The following PMM2 variants were observed in gnomAD, a reference collection of about 807,000 sequenced individuals.
The protein encoded by PMM2 is phosphomannomutase 2.
PMM2 carries 35 observed loss-of-function variants against 33.2 expected under a neutral mutation model. The observed-to-expected ratio is 1.06, with a 90% confidence interval of 0.81 to 1.40. The LOEUF (loss-of-function observed/expected upper bound fraction) is 1.40. Among genes scored for constraint, PMM2 ranks in the 40% most tolerant of loss-of-function variants. The probability of loss-of-function intolerance (pLI) is 0.00; values close to 1 mark genes in which losing one functional copy is unlikely to be tolerated. For synonymous variants in PMM2, 153 were observed against 114.7 expected, an observed-to-expected ratio of 1.33 and a Z score of -2.13; for missense variants, 386 against 306.0, an observed-to-expected ratio of 1.26 and a Z score of -1.95.
At chr16:8,835,879 G>A (rs1028649842) in intron 7 of PMM2, among the ~76,000 whole-genome samples, 2 of 151,836 alleles carry the variant, frequency 1.3e-5, no homozygotes, top group African/African-American at 2.4e-5. Flanking sequence ...AAGGTTGGGG[G>A]ATACAAGAGG....
intron 7 of PMM2, among the ~76,000 whole-genome samples, chr16:8,818,635 C>T (rs2060720793): frequency 6.6e-6 from 1 of 152,224 alleles, no homozygotes; most frequent in South Asian, 2.1e-4. Flanking sequence ...CCTCTTCCAG[C>T]AGCACAGCCT....
At chr16:8,824,111 A>G (rs1328489708) in intron 7 of PMM2, among the ~76,000 whole-genome samples, 1 of 152,254 alleles carries the variant, frequency 6.6e-6, no homozygotes, top group Non-Finnish European at 1.5e-5. Flanking sequence ...TGCTCACAGA[A>G]GTATACTTTA....
intron 7 of PMM2, among the ~76,000 whole-genome samples, chr16:8,827,929 TA>T (rs1416535075): frequency 1.6e-3 from 112 of 67,966 alleles, no homozygotes; most frequent in East Asian, 3.4e-3. Context: ...GTTTTATATA[TA>T]ATATATATTT....
At chr16:8,830,005 A>G (rs1383895481) in intron 7 of PMM2, among the ~76,000 whole-genome samples, 2 of 152,212 alleles carry the variant, frequency 1.3e-5, no homozygotes, top group Non-Finnish European at 2.9e-5. Context: ...TGATGGGGCT[A>G]CAGGCAGACA....
At chr16:8,804,080 C>T (rs1420528405) in intron 2 of PMM2, among the ~76,000 whole-genome samples, 6 of 126,984 alleles carry the variant, frequency 4.7e-5, no homozygotes, top group African/African-American at 9.4e-5. Flanking sequence ...GCACCGTTGC[C>T]GAGGCTGGAG....
rs776262869 is a variant in PMM2, at chr16:8,804,763, G to T, written c.179-4G>T. On this transcript the variant is annotated splice_polypyrimidine_tract_variant and splice_region_variant and intron_variant, in intron 2 of 7. Transcript: ENST00000268261. ...TCTAAGTGTTTTTTTGGTTTTGATT[G>T]TAGTGGTTGAAAAATACGATTATGT... The T allele has an allele frequency of 3.7e-6, 6 of 1,608,360 alleles. No individual in the cohort carries two copies. Among genetic ancestry groups the T allele is most frequent in the Middle Eastern group, 1.6e-4 (1 of 6,076 alleles).
chr16:8,833,803 T>G (rs536863868), intron 7 of PMM2, among the ~76,000 whole-genome samples: 26 of 152,242 alleles, frequency 1.7e-4, no homozygotes, highest in Admixed American at 1.2e-3. Context: ...GGAGGACCTA[T>G]GACATCTGAT....
intron 7 of PMM2, chr16:8,832,821 C>T (rs528557318): frequency 2.0e-6 from 2 of 985,460 alleles, no homozygotes; most frequent in East Asian, 1.1e-4. Context: ...CCCATCCTCC[C>T]TCTTCAGCGT....
rs750708103 is a variant in PMM2, at chr16:8,847,730, A to G, written c.646A>G (p.Asn216Asp). 6 of 1,612,344 alleles carry G rather than the reference A, an allele frequency of 3.7e-6. No individual in the cohort carries two copies. The highest frequency in any genetic ancestry group is 8.5e-7 in the Non-Finnish European group (1 of 1,178,650). The change falls in exon 8 of 8, where the codon AAT becomes GAT. Residue 216 changes from asparagine to aspartate, a missense_variant. Coordinates refer to ENST00000268261, the MANE Select transcript of PMM2 (RefSeq NM_000303.3). The part of the protein sequence containing the change: ...FFGDKTMPGG[N>D]DHEIFTDPRT... ...GTACTTCGTGTCTTTCCAGGGTGGCAATGACCATGAGATCTTCACAGACCC... is the reference window on the plus strand; with the variant it reads ...GTACTTCGTGTCTTTCCAGGGTGGCGATGACCATGAGATCTTCACAGACCC...
At chr16:8,806,544 C>T in intron 4 of PMM2, 137 bp downstream of exon 4, 1 of 699,954 alleles carries the variant, frequency 1.4e-6, no homozygotes, top group Non-Finnish European at 2.6e-6. Context: ...ATTTAGCCCG[C>T]CCCTTGGCAA....
At chr16:8,847,695 G>C (rs2060936332) in intron 7 of PMM2, 29 bp from the exon 8 acceptor site, 2 of 1,508,668 alleles carry the variant, frequency 1.3e-6, no homozygotes, top group African/African-American at 2.7e-5. Flanking sequence ...ACGAGGGGGA[G>C]CCTTCATCTG....
chr16:8,811,753 A>G (rs367781685), intron 6 of PMM2, 40 bp downstream of exon 6: 17 of 1,370,100 alleles, frequency 1.2e-5, no homozygotes, highest in Non-Finnish European at 1.5e-5. Context: ...TTGGATACCC[A>G]TTTCCCAGAG....
chr16:8,836,081 A>G (rs544038597), intron 7 of PMM2, among the ~76,000 whole-genome samples: 17 of 151,556 alleles, frequency 1.1e-4, no homozygotes, highest in East Asian at 3.9e-4. Context: ...GAGTTTTAAG[A>G]GGTTTAGAAG....
In PMM2 at chr16:8,844,704, C is replaced by T. The variant is rs181201939; in HGVS notation, c.640-3020C>T. On this transcript the variant is annotated intron_variant, in intron 7 of 7. Coordinates refer to ENST00000268261, the MANE Select transcript of PMM2 (RefSeq NM_000303.3). ...CCAAGGGAAGGCTGCCTTCCCAGTC[C>T]GTGACCGGCGCCGGTTTTTTGGGTC... Among the ~76,000 whole-genome samples the T allele has an allele frequency of 4.6e-3, 703 of 152,314 alleles. 4 individuals carry two copies. The highest frequency in any genetic ancestry group is 8.1e-3 in the Non-Finnish European group (553 of 68,028).
chr16:8,843,934 G>C (rs2060907138), intron 7 of PMM2, among the ~76,000 whole-genome samples: 1 of 152,124 alleles, frequency 6.6e-6, no homozygotes, highest in South Asian at 2.1e-4. Context: ...GCTTGGGGTT[G>C]GGACTGAGGG....
At chr16:8,798,259 C>G (rs2060591105) in intron 1 of PMM2, among the ~76,000 whole-genome samples, 1 of 152,186 alleles carries the variant, frequency 6.6e-6, no homozygotes, top group African/African-American at 2.4e-5. Context: ...GATTTCAACC[C>G]AAGATCAGGC....
At chr16:8,798,003 A>C in intron 1 of PMM2, 55 bp downstream of exon 1, 1 of 1,534,026 alleles carries the variant, frequency 6.5e-7, no homozygotes, top group Non-Finnish European at 8.8e-7. Context: ...TGCTGTTCCC[A>C]GTTGGGGCTA....
chr16:8,814,144 G>C (rs1489935130), intron 7 of PMM2, among the ~76,000 whole-genome samples: 1 of 152,052 alleles, frequency 6.6e-6, no homozygotes, highest in Non-Finnish European at 1.5e-5. Flanking sequence ...TGGGATGACA[G>C]GTGTGATTTT....
At chr16:8,842,022 A>G (rs1038595133) in intron 7 of PMM2, among the ~76,000 whole-genome samples, 3 of 150,986 alleles carry the variant, frequency 2.0e-5, no homozygotes, top group Non-Finnish European at 4.4e-5. Flanking sequence ...GCACGCAGAC[A>G]TGAGGGCTAG....
Sources: allele counts gnomAD v4.1 joint callset (sites outside exome capture counted in the v4.1 genomes callset), GRCh38; gene constraint gnomAD v4.1.1; transcripts MANE v1.5; gene names NCBI Gene and HGNC (gene_info 2026-07-23, HGNC 2026-07-21).